The following PCDHA10 variants were observed in gnomAD, a reference collection of about 807,000 sequenced individuals.
PCDHA10 encodes the protein protocadherin alpha 10.
In PCDHA10, 45 loss-of-function variants were observed where a neutral mutation model predicts 61.2. That is an observed-to-expected ratio of 0.74 (90% CI 0.58 to 0.94). PCDHA10 has a LOEUF of 0.94. PCDHA10 is among the 40% of genes least tolerant of loss of function. The pLI is 0.00. For missense variants in PCDHA10, 1,278 were observed against 1,236.2 expected (o/e 1.03, Z -0.51); for synonymous variants, 602 against 548.8 (o/e 1.10, Z -1.35).
chr5:140,963,941 G>A lies in PCDHA10; in HGVS notation c.2389-15008G>A, dbSNP rs1434019587. Among the ~76,000 whole-genome samples the A allele has an allele frequency of 7.9e-5, 12 of 152,320 alleles. No homozygotes were observed. In the East Asian group the frequency reaches 9.6e-4, roughly 12 times the overall value. On this transcript the variant is annotated intron_variant, in intron 1 of 3. Coordinates refer to ENST00000307360, the MANE Select transcript of PCDHA10 (RefSeq NM_018901.4). ...TAAGTAACATGTCCATAGCCAAACAGTTAGTCACTGGCAGGAGTGTGACTG... is the reference window on the plus strand; with the variant it reads ...TAAGTAACATGTCCATAGCCAAACAATTAGTCACTGGCAGGAGTGTGACTG...
intron 3 of PCDHA10, chr5:140,989,125 T>G (rs2097330563): frequency 6.6e-6 from 1 of 152,152 alleles, no homozygotes; most frequent in Non-Finnish European, 1.5e-5. Context: ...CTTAGAAAAA[T>G]AAGACACTTT....
chr5:140,929,179 G>T (rs782673786), intron 1 of PCDHA10: 5 of 1,614,104 alleles, frequency 3.1e-6, no homozygotes, highest in Non-Finnish European at 4.2e-6. Context: ...TCTGGGACTT[G>T]GTTCTGATAA....
intron 1 of PCDHA10, among the ~76,000 whole-genome samples, chr5:140,957,854 T>C (rs2095390646): frequency 6.6e-6 from 1 of 151,872 alleles, no homozygotes; most frequent in Non-Finnish European, 1.5e-5. Context: ...GTTTGTGTAT[T>C]TTTTTTCCTA....
In PCDHA10 at chr5:140,938,408, G is replaced by A. The variant is rs115039361; in HGVS notation, c.2389-40541G>A. Among the ~76,000 whole-genome samples, 826 of 151,992 alleles carry A rather than the reference G, an allele frequency of 5.4e-3. 3 individuals are homozygous for A. The highest frequency in any genetic ancestry group is 0.019 in the African/African-American group (797 of 41,474). ...TAATATGAAATACATTGTTTGATTG[G>A]GTTTATTTGCAAAAATCCTTTATCA... On this transcript the variant is annotated intron_variant, in intron 1 of 3. Coordinates refer to ENST00000307360, the MANE Select transcript of PCDHA10 (RefSeq NM_018901.4).
chr5:140,884,229 A>T (rs2060058344), intron 1 of PCDHA10: 2 of 1,613,258 alleles, frequency 1.2e-6, no homozygotes. Flanking sequence ...GTGAAGGACC[A>T]CGGTGAGCCC....
Position 140,876,296 on chromosome 5 carries a change from G to C in PCDHA10, c.2388+17860G>C, listed in dbSNP as rs1337465467. On this transcript the variant is annotated intron_variant, in intron 1 of 3. Coordinates refer to ENST00000307360, the MANE Select transcript of PCDHA10 (RefSeq NM_018901.4). ...TCCGATCCAGACGAAGGACTTAATGGAGAAATTTCCTATGGGATCAAAATG... is the reference window on the plus strand; with the variant it reads ...TCCGATCCAGACGAAGGACTTAATGCAGAAATTTCCTATGGGATCAAAATG... 19 of 1,613,952 alleles carry C rather than the reference G, an allele frequency of 1.2e-5. No individual in the cohort carries two copies. Among genetic ancestry groups the C allele is most frequent in the Non-Finnish European group, 1.6e-5 (19 of 1,179,904 alleles).
chr5:140,927,412 G>A, intron 1 of PCDHA10: 1 of 1,614,122 alleles, frequency 6.2e-7, no homozygotes, highest in African/African-American at 1.3e-5. Context: ...CCTGGACATG[G>A]GATCGCGGGT....
intron 1 of PCDHA10, among the ~76,000 whole-genome samples, chr5:140,932,231 A>G (rs2088135026): frequency 6.6e-6 from 1 of 151,848 alleles, no homozygotes; most frequent in African/African-American, 2.4e-5. Context: ...AATTTTTTAG[A>G]ATGGTATCTA....
At chr5:140,899,400 AG>A (rs1331352997) in intron 1 of PCDHA10, among the ~76,000 whole-genome samples, 2 of 152,132 alleles carry the variant, frequency 1.3e-5, no homozygotes, top group Non-Finnish European at 2.9e-5. Context: ...TTTAGCATGA[AG>A]GGTTGTTGAA....
intron 1 of PCDHA10, chr5:140,868,480 T>G (rs1562616906): frequency 6.6e-6 from 1 of 152,316 alleles, no homozygotes. Flanking sequence ...AAACTTCAAT[T>G]TTTTCTTTGA....
intron 1 of PCDHA10, chr5:140,882,865 A>G (rs1554175879): frequency 6.2e-7 from 1 of 1,614,248 alleles, no homozygotes; most frequent in Non-Finnish European, 8.5e-7. Context: ...TGAGGAAAAC[A>G]CTGGACAGAG....
chr5:140,969,011 A>G lies in PCDHA10; in HGVS notation c.2389-9938A>G, dbSNP rs1554231347. On this transcript the variant is annotated intron_variant, in intron 1 of 3. Transcript: ENST00000307360. Reference sequence around the variant, plus strand: ...ATGCTGTGGAGGCTTCTGTGGAGTAAGGGAAAGGTCCCCTGCAGAACTGTA... The same window carrying G: ...ATGCTGTGGAGGCTTCTGTGGAGTAGGGGAAAGGTCCCCTGCAGAACTGTA... The G allele has an allele frequency of 2.5e-6, 4 of 1,614,084 alleles. No individual in the cohort carries two copies. In the South Asian group the frequency reaches 4.4e-5, roughly 18 times the overall value.
intron 1 of PCDHA10, chr5:140,927,385 C>T (rs781913021): frequency 1.9e-6 from 3 of 1,614,098 alleles, no homozygotes; most frequent in Non-Finnish European, 1.7e-6. Flanking sequence ...CAGCCTAAGC[C>T]CCAGTCAGCA....
intron 1 of PCDHA10, among the ~76,000 whole-genome samples, chr5:140,909,044 T>C (rs538559353): frequency 6.6e-6 from 1 of 152,336 alleles, no homozygotes; most frequent in South Asian, 2.1e-4. Context: ...TTCCATACTC[T>C]GGCATGCAAA....
At chr5:140,882,048 C>T in intron 1 of PCDHA10, 1 of 745,800 alleles carries the variant, frequency 1.3e-6, no homozygotes, top group Non-Finnish European at 2.1e-6. Context: ...CTGAGTCATA[C>T]TTACACTTAC....
At chr5:140,907,970 A>C (rs1312755290) in intron 1 of PCDHA10, among the ~76,000 whole-genome samples, 3 of 152,158 alleles carry the variant, frequency 2.0e-5, no homozygotes, top group Admixed American at 2.0e-4. Flanking sequence ...CAATTTTCCA[A>C]TCATGCTTCT....
chr5:141,002,333 G>T (rs782123745), intron 3 of PCDHA10, among the ~76,000 whole-genome samples: 1 of 152,196 alleles, frequency 6.6e-6, no homozygotes, highest in African/African-American at 2.4e-5. Context: ...GGCTGCATCC[G>T]CACCCCTTCC....
intron 1 of PCDHA10, among the ~76,000 whole-genome samples, chr5:140,906,606 G>A (rs2072783004): frequency 6.6e-6 from 1 of 152,208 alleles, no homozygotes; most frequent in Non-Finnish European, 1.5e-5. Context: ...TACTCATTCT[G>A]TATTCCCTTT....
rs782631209 is a variant in PCDHA10, at chr5:140,858,446, T to G, written c.2388+10T>G. On this transcript the variant is annotated intron_variant, in intron 1 of 3. Transcript: ENST00000307360. ...GGACCACTCTAGGAAGGTGGGTTAT[T>G]ACGTTTTCATTTTCCTTTTGTGCTT... 3.9e-6 allele frequency: 6 copies of G among 1,533,560 alleles called. No individual in the cohort carries two copies. Among genetic ancestry groups the G allele is most frequent in the Non-Finnish European group, 5.3e-6 (6 of 1,129,936 alleles). The allele number at this position is 1,533,560 out of a possible 1,614,324, so 95.0% of individuals were successfully genotyped here. A position where few individuals can be genotyped will look rare whatever the true frequency, so the allele number is the denominator to read the frequency against.
Sources: allele counts gnomAD v4.1 joint callset (sites outside exome capture counted in the v4.1 genomes callset), GRCh38; gene constraint gnomAD v4.1.1; transcripts MANE v1.5; gene names NCBI Gene and HGNC (gene_info 2026-07-23, HGNC 2026-07-21).